Variants in NCOA3 observed in about 807,000 individuals in gnomAD.
NCOA3 encodes the protein CBP-interacting protein.
Under a neutral mutation model 158.8 loss-of-function variants are expected in NCOA3, and 51 were observed. The observed-to-expected ratio is 0.32, with a 90% CI of 0.26 to 0.41. NCOA3 has a LOEUF of 0.41. Among genes scored for constraint, NCOA3 ranks in the 10% least tolerant of loss-of-function variants. NCOA3 has a pLI of 1.00. For missense variants in NCOA3, 1,510 were observed against 1,746.6 expected, an observed-to-expected ratio of 0.86 and a Z score of 2.41; for synonymous variants, 537 against 592.4, an observed-to-expected ratio of 0.91 and a Z score of 1.36.
At chr20:47,551,759 G>T (rs146013502) in intron 1 of NCOA3, among the ~76,000 whole-genome samples, 2 of 152,214 alleles carry the variant, frequency 1.3e-5, no homozygotes, top group Non-Finnish European at 2.9e-5. Context: ...TTTTGCCCAC[G>T]TAGGAAACAG....
chr20:47,507,077 G>A (rs1473508160), intron 1 of NCOA3, among the ~76,000 whole-genome samples: 1 of 152,130 alleles, frequency 6.6e-6, no homozygotes. Flanking sequence ...CGTGGTAGAT[G>A]GATAGATGGG....
intron 2 of NCOA3, among the ~76,000 whole-genome samples, chr20:47,605,205 T>C (rs2085926408): frequency 6.6e-6 from 1 of 152,258 alleles, no homozygotes; most frequent in South Asian, 2.1e-4. Flanking sequence ...GATTTTAGTT[T>C]ATGGTTTATA....
chr20:47,514,180 G>T (rs2084192800), intron 1 of NCOA3, among the ~76,000 whole-genome samples: 1 of 150,806 alleles, frequency 6.6e-6, no homozygotes, highest in South Asian at 2.1e-4. Flanking sequence ...AGTATCAGAA[G>T]ATTTTATTTT....
chr20:47,513,446 C>T (rs952344979), intron 1 of NCOA3, among the ~76,000 whole-genome samples: 5 of 152,016 alleles, frequency 3.3e-5, no homozygotes, highest in South Asian at 2.1e-4. Flanking sequence ...CAACTATTAG[C>T]CGGGCGAGGC....
Position 47,652,506 on chromosome 20 carries a change from A to G in NCOA3, c.4047A>G (p.Gln1349=), listed in dbSNP as rs373311507. The part of the protein sequence containing the change: ...RMGPSQNPMM[Q]HPQAASIYQS... ...GTCCCTCCCAGAATCCCATGATGCA[A>G]CACCCGCAGGCTGCATCCATCTATC... is the stretch of plus-strand genomic sequence containing the variant. Residue 1349 remains glutamine, a synonymous_variant, in exon 21 of 23, where the codon CAA becomes CAG. Transcript: ENST00000371998. 24 of 1,614,078 alleles carry G rather than the reference A, an allele frequency of 1.5e-5. No homozygotes were observed. In the African/African-American group the frequency reaches 2.0e-4, roughly 13 times the overall value.
At chr20:47,545,914 C>T (rs2146141551) in intron 1 of NCOA3, among the ~76,000 whole-genome samples, 1 of 151,984 alleles carries the variant, frequency 6.6e-6, no homozygotes, top group South Asian at 2.1e-4. Flanking sequence ...GGGGTTTTGC[C>T]ATGTTGCCCA....
chr20:47,652,654 C>G, intron 21 of NCOA3, 74 bp downstream of exon 21: 1 of 1,435,896 alleles, frequency 7.0e-7, no homozygotes, highest in South Asian at 1.3e-5. Context: ...ATTTTTCAGT[C>G]AAGCCTTTTT....
intron 22 of NCOA3, among the ~76,000 whole-genome samples, 165 bp downstream of exon 22, chr20:47,653,237 T>C (rs1056417321): frequency 2.0e-5 from 3 of 152,212 alleles, no homozygotes; most frequent in Non-Finnish European, 4.4e-5. Context: ...GGCCATTAGA[T>C]ACTTTTGGTA....
intron 1 of NCOA3, among the ~76,000 whole-genome samples, chr20:47,525,821 T>C (rs2084431150): frequency 1.2e-5 from 1 of 80,532 alleles, no homozygotes; most frequent in Non-Finnish European, 2.4e-5. Flanking sequence ...GGCTCCTCAC[T>C]TCCCAGTAGG....
intron 1 of NCOA3, among the ~76,000 whole-genome samples, chr20:47,504,838 G>A (rs921634780): frequency 1.3e-5 from 2 of 151,456 alleles, no homozygotes; most frequent in Admixed American, 6.6e-5. Flanking sequence ...TGCATTAGCA[G>A]TATGATTCTG....
intron 1 of NCOA3, among the ~76,000 whole-genome samples, chr20:47,579,265 C>CTG (rs1434621173): frequency 6.6e-6 from 1 of 152,238 alleles, no homozygotes; most frequent in African/African-American, 2.4e-5. Flanking sequence ...GCTGCCATGC[C>CTG]TGGCCTGGTG....
At chr20:47,598,591 C>T (rs1385499856) in intron 2 of NCOA3, among the ~76,000 whole-genome samples, 1 of 152,172 alleles carries the variant, frequency 6.6e-6, no homozygotes, top group African/African-American at 2.4e-5. Flanking sequence ...CCTGCCTTGG[C>T]CTCCCAAAGT....
chr20:47,549,637 A>G (rs1464329388), intron 1 of NCOA3, among the ~76,000 whole-genome samples: 1 of 151,456 alleles, frequency 6.6e-6, no homozygotes, highest in Non-Finnish European at 1.5e-5. Context: ...TTGAGCACAG[A>G]TGATTTAATG....
chr20:47,608,199 T>TA (rs1396019840), intron 2 of NCOA3, among the ~76,000 whole-genome samples: 1 of 152,036 alleles, frequency 6.6e-6, no homozygotes, highest in Admixed American at 6.6e-5. Flanking sequence ...TAATCCCAAC[T>TA]ACTTGGGAGG....
intron 11 of NCOA3, 69 bp downstream of exon 11, chr20:47,635,782 T>G: frequency 1.3e-6 from 2 of 1,498,856 alleles, no homozygotes; most frequent in Non-Finnish European, 1.8e-6. Flanking sequence ...ACTACTATAA[T>G]TCTTGTAAAG....
intron 2 of NCOA3, among the ~76,000 whole-genome samples, chr20:47,602,613 A>G (rs1391519468): frequency 6.6e-6 from 1 of 152,228 alleles, no homozygotes; most frequent in Admixed American, 6.5e-5. Context: ...CAGAAGATAA[A>G]TTGGCCATGC....
intron 1 of NCOA3, among the ~76,000 whole-genome samples, chr20:47,561,615 C>T (rs1053604172): frequency 1.3e-5 from 2 of 151,840 alleles, no homozygotes; most frequent in Non-Finnish European, 2.9e-5. Context: ...CACTGCACCT[C>T]GCTTAGGCTA....
At chr20:47,605,314 A>G (rs748699868) in intron 2 of NCOA3, among the ~76,000 whole-genome samples, 4 of 151,980 alleles carry the variant, frequency 2.6e-5, no homozygotes, top group African/African-American at 4.8e-5. Flanking sequence ...TCATACATTT[A>G]CACCATGCTT....
At position 47,656,103 on chromosome 20, in the gene NCOA3, T is replaced by C. The variant is rs1363491007; in HGVS notation, c.*2686T>C. The C allele has an allele frequency of 6.7e-6, 1 of 150,036 alleles. No homozygotes were observed. Among genetic ancestry groups the C allele is most frequent in the Non-Finnish European group, 1.5e-5 (1 of 67,584 alleles). The allele number at this position is 150,036 out of a possible 1,614,324, so 9.3% of individuals were successfully genotyped here. A position where few individuals can be genotyped will look rare whatever the true frequency, so the allele number is the denominator to read the frequency against. ...ATAATCTTTTCATCTGCTTTTAGAA[T>C]GTGGGATATTTCCAGTACCTACTTT... On this transcript the variant is annotated 3_prime_UTR_variant, in exon 23 of 23. Transcript: ENST00000371998.
Sources: gnomAD v4.1 joint callset for allele counts (sites outside exome capture counted in the v4.1 genomes callset) on GRCh38, gnomAD v4.1.1 for gene constraint, MANE v1.5 for transcripts, NCBI Gene and HGNC (gene_info 2026-07-23, HGNC 2026-07-21) for gene names.